The following FHIT variants were observed in gnomAD, a reference collection of about 807,000 sequenced individuals.
FHIT encodes the protein fragile histidine triad diadenosine triphosphatase.
A neutral mutation model predicts 17.9 loss-of-function variants in FHIT; 19 were observed. The ratio of observed to expected loss-of-function variants is 1.06; its 90% CI spans 0.74 to 1.56. The LOEUF is 1.56. Ranked by LOEUF, FHIT falls within the 40% of genes most tolerant of loss-of-function variation. The pLI is 0.00. For synonymous variants in FHIT, 81 were observed against 69.7 expected (o/e 1.16, Z -0.81); for missense variants, 248 against 189.2 (o/e 1.31, Z -1.82).
chr3:60,955,900 A>T (rs954312847), intron 3 of FHIT, among the ~76,000 whole-genome samples: 5 of 152,088 alleles, frequency 3.3e-5, no homozygotes, highest in African/African-American at 1.2e-4. Context: ...GTTATATACT[A>T]CTTTTCTCAA....
intron 3 of FHIT, among the ~76,000 whole-genome samples, chr3:60,974,987 T>C (rs1377305169): frequency 6.6e-6 from 1 of 152,210 alleles, no homozygotes; most frequent in Non-Finnish European, 1.5e-5. Context: ...GTGTTTCATG[T>C]TTTTAAAATT....
chr3:60,944,323 C>T (rs4974254), intron 3 of FHIT, among the ~76,000 whole-genome samples: 37,434 of 151,620 alleles, frequency 0.25, 5,929 homozygotes, highest in East Asian at 0.6. Flanking sequence ...AAAAGCAGTG[C>T]CTGAGTTTGT....
At chr3:60,732,760 C>A (rs558087597) in intron 4 of FHIT, 8 of 269,350 alleles carry the variant, frequency 3.0e-5, no homozygotes, top group Non-Finnish European at 4.3e-5. Flanking sequence ...AATCTCGGCT[C>A]ACTGCAATCT....
rs1274316568 is a variant in FHIT at position 60,363,720 on chromosome 3, G to C, written c.103+173140C>G. Reference sequence around the variant, plus strand: ...CTCCACTGTGCTCTGTACCCCAGGAGTCTGGCCTCCGTGAACTCCAACAAG... The same window carrying C: ...CTCCACTGTGCTCTGTACCCCAGGACTCTGGCCTCCGTGAACTCCAACAAG... On this transcript the variant is annotated intron_variant, in intron 5 of 9. Coordinates refer to ENST00000492590, the MANE Select transcript of FHIT (RefSeq NM_002012.4). 3.9e-5 allele frequency among the ~76,000 whole-genome samples: 6 copies of C among 152,258 alleles called. No homozygotes were observed. The East Asian group carries it at 9.7e-4, about 25-fold the overall frequency.
intron 5 of FHIT, among the ~76,000 whole-genome samples, chr3:60,412,298 G>T (rs1702090440): frequency 1.3e-5 from 2 of 151,996 alleles, no homozygotes; most frequent in South Asian, 2.1e-4. Flanking sequence ...GGGGGAAAAG[G>T]CATGTACTAG....
intron 5 of FHIT, among the ~76,000 whole-genome samples, chr3:60,313,133 TACTC>T (rs1709018869): frequency 6.6e-6 from 1 of 152,184 alleles, no homozygotes; most frequent in Admixed American, 6.5e-5. Flanking sequence ...ACTCCTATCA[TACTC>T]ACTGACTCAC....
chr3:60,537,678 A>C (rs2036034758), intron 4 of FHIT, among the ~76,000 whole-genome samples: 1 of 152,124 alleles, frequency 6.6e-6, no homozygotes, highest in Non-Finnish European at 1.5e-5. Flanking sequence ...GGGGCAGGAA[A>C]GGGAGGCTGA....
intron 5 of FHIT, among the ~76,000 whole-genome samples, chr3:60,129,853 T>C (rs1329102312): frequency 6.6e-6 from 1 of 152,188 alleles, no homozygotes; most frequent in Non-Finnish European, 1.5e-5. Context: ...TTAATTCTTA[T>C]CTGATTTATC....
At chr3:60,355,982 G>A (rs1699638342) in intron 5 of FHIT, among the ~76,000 whole-genome samples, 1 of 152,146 alleles carries the variant, frequency 6.6e-6, no homozygotes, top group African/African-American at 2.4e-5. Flanking sequence ...AAGGGAAATT[G>A]TAAAGGGCTT....
At chr3:61,050,798 A>C (rs2033997115) in intron 2 of FHIT, among the ~76,000 whole-genome samples, 1 of 152,192 alleles carries the variant, frequency 6.6e-6, no homozygotes, top group Non-Finnish European at 1.5e-5. Flanking sequence ...TTTTTAAGGC[A>C]CAAGATAGGA....
chr3:60,062,668 C>G (rs537223358), intron 5 of FHIT, among the ~76,000 whole-genome samples: 5 of 152,168 alleles, frequency 3.3e-5, no homozygotes, highest in Admixed American at 3.3e-4. Flanking sequence ...CTAATTAAAA[C>G]AGAAACAAAA....
chr3:60,131,042 T>TACATATGTGTATATAC (rs1699564685), intron 5 of FHIT, among the ~76,000 whole-genome samples: 1 of 91,402 alleles, frequency 1.1e-5, no homozygotes, highest in Non-Finnish European at 2.0e-5. Flanking sequence ...TGTGTATATA[T>TACATATGTGTATATAC]ACACATATAT....
chr3:60,276,894 T>A (rs1283420193), intron 5 of FHIT, among the ~76,000 whole-genome samples: 7 of 152,024 alleles, frequency 4.6e-5, no homozygotes, highest in African/African-American at 1.4e-4. Context: ...ACAAACTCAC[T>A]CATTACTGCA....
Position 60,441,855 on chromosome 3 carries a change from G to GTTT in FHIT, c.103+95002_103+95004dup, listed in dbSNP as rs75740422. Among the ~76,000 whole-genome samples, 552 of 115,566 alleles carry GTTT rather than the reference G, an allele frequency of 4.8e-3. 3 individuals carry two copies. The highest frequency in any genetic ancestry group is 0.018 in the East Asian group (66 of 3,614). The allele number at this position is 115,566 out of a possible 152,430, so 75.8% of individuals were successfully genotyped here. ...TCCCGCTCATTCTTTTTTTAGTTGTGTTTTTTTTTTTTTAATTTTAAGAGA... is the reference window on the plus strand; with the variant it reads ...TCCCGCTCATTCTTTTTTTAGTTGTGTTTTTTTTTTTTTTTTAATTTTAAGAGA... On this transcript the variant is annotated intron_variant, in intron 5 of 9. Coordinates refer to ENST00000492590, the MANE Select transcript of FHIT (RefSeq NM_002012.4).
intron 4 of FHIT, among the ~76,000 whole-genome samples, chr3:60,632,689 A>C (rs1032214658): frequency 5.9e-5 from 9 of 152,206 alleles, no homozygotes; most frequent in Non-Finnish European, 1.2e-4. Context: ...TGGGAAGGAC[A>C]TACTTCTTAG....
chr3:60,148,589 A>T (rs1700333964), intron 5 of FHIT, among the ~76,000 whole-genome samples: 1 of 152,208 alleles, frequency 6.6e-6, no homozygotes, highest in African/African-American at 2.4e-5. Context: ...CAGACTGCAT[A>T]CACAAAGGAG....
intron 8 of FHIT, among the ~76,000 whole-genome samples, chr3:59,761,093 C>T (rs1701491566): frequency 6.6e-6 from 1 of 152,120 alleles, no homozygotes; most frequent in Admixed American, 6.5e-5. Context: ...CTATGATTTT[C>T]TTCTCAACCT....
At chr3:60,431,361 G>A (rs1306455657) in intron 5 of FHIT, among the ~76,000 whole-genome samples, 2 of 151,832 alleles carry the variant, frequency 1.3e-5, no homozygotes, top group Non-Finnish European at 2.9e-5. Context: ...CAATTTTATA[G>A]CAAAGCAGGG....
intron 1 of FHIT, among the ~76,000 whole-genome samples, chr3:61,226,881 T>A (rs1231336557): frequency 6.6e-6 from 1 of 152,056 alleles, no homozygotes; most frequent in Non-Finnish European, 1.5e-5. Flanking sequence ...CTGAAATGGG[T>A]AGAATGCTGA....
Sources: gnomAD v4.1 joint callset for allele counts (sites outside exome capture counted in the v4.1 genomes callset) on GRCh38, gnomAD v4.1.1 for gene constraint, MANE v1.5 for transcripts, NCBI Gene and HGNC (gene_info 2026-07-23, HGNC 2026-07-21) for gene names.